ARL5A: variants seen among roughly 807,000 people sequenced by gnomAD.
The protein encoded by ARL5A is ARF like GTPase 5A.
Under a neutral mutation model 25.9 loss-of-function variants are expected in ARL5A, and 18 were observed. The ratio of observed to expected loss-of-function variants is 0.69; its 90% CI spans 0.48 to 1.03. ARL5A has a LOEUF of 1.03. Ranked by LOEUF, ARL5A falls within the 50% of genes least tolerant of loss-of-function variation. ARL5A has a pLI of 0.00. For missense variants in ARL5A, 170 were observed against 211.9 expected, an observed-to-expected ratio of 0.80 and a Z score of 1.23; for synonymous variants, 61 against 67.5, an observed-to-expected ratio of 0.90 and a Z score of 0.47.
chr2:151,820,318 G>A (rs1384581916), intron 1 of ARL5A, among the ~76,000 whole-genome samples: 2 of 152,222 alleles, frequency 1.3e-5, no homozygotes, highest in South Asian at 4.2e-4. Flanking sequence ...TAGAAATAAA[G>A]AAGGCACACT....
At chr2:151,812,215 G>T in intron 4 of ARL5A, 142 bp downstream of exon 4, 1 of 496,456 alleles carries the variant, frequency 2.0e-6, no homozygotes, top group Non-Finnish European at 3.5e-6. Flanking sequence ...GGAGATGTCA[G>T]AGTAATTGAG....
chr2:151,819,712 A>C (rs1162843090), intron 1 of ARL5A, among the ~76,000 whole-genome samples: 1 of 151,942 alleles, frequency 6.6e-6, no homozygotes, highest in African/African-American at 2.4e-5. Context: ...GTGCTTTTCT[A>C]ACAGTTCTGT....
intron 1 of ARL5A, among the ~76,000 whole-genome samples, chr2:151,821,775 C>CTTT (rs760341359): frequency 6.2e-5 from 7 of 113,534 alleles, no homozygotes; most frequent in African/African-American, 1.7e-4. Context: ...GCCCGGCTTT[C>CTTT]TTTTTTTTTT....
intron 3 of ARL5A, among the ~76,000 whole-genome samples, chr2:151,812,722 T>C (rs2099830997): frequency 6.6e-6 from 1 of 152,152 alleles, no homozygotes; most frequent in Non-Finnish European, 1.5e-5. Context: ...CTAATGGACC[T>C]ATATCTATCT....
rs1373827104 is a variant in ARL5A at position 151,814,244 on chromosome 2, T to C, written c.180A>G (p.Thr60=). Residue 60 remains threonine, a synonymous_variant, in exon 3 of 6, where the codon ACA becomes ACG. Transcript: ENST00000295087. ...SNVEEIVINN[T]RFLMWDIGGQ... is the part of the protein sequence containing the mutation. The stretch of plus-strand genomic sequence containing the variant: ...CACCAATATCCCACATTAGGAAACG[T>C]GTATTATTAATCACTATCTCTTCTA... The C allele has an allele frequency of 6.8e-6, 11 of 1,607,174 alleles. No individual in the cohort carries two copies. The highest frequency in any genetic ancestry group is 9.3e-6 in the Non-Finnish European group (11 of 1,177,156).
rs2099830180 is a variant in ARL5A, at chr2:151,806,984, A to C, written c.340-12T>G. On this transcript the variant is annotated splice_polypyrimidine_tract_variant and intron_variant, in intron 4 of 5. Transcript: ENST00000295087. ...GCTTTTCTTAGGTCCTATTAAAGCA[A>C]ATAAAACTGTAAAGGCCAATACATT... 6.3e-7 allele frequency: 1 copy of C among 1,596,928 alleles called. No individual in the cohort carries two copies. The highest frequency in any genetic ancestry group is 1.4e-5 in the African/African-American group (1 of 73,796).
chr2:151,828,390 T>C lies in ARL5A; in HGVS notation c.-214A>G. 1 of 410,870 alleles carries C rather than the reference T, an allele frequency of 2.4e-6. No homozygotes were observed. The highest frequency in any genetic ancestry group is 6.2e-5 in the South Asian group (1 of 16,200). 25.5% of individuals were successfully genotyped at this position (410,870 alleles called of 1,614,324 possible). On this transcript the variant is annotated 5_prime_UTR_variant, in exon 1 of 6. Transcript: ENST00000295087. Reference sequence around the variant, plus strand: ...CGCCGCTGCCGCCGCGGCACTCGCCTGGCTCGCGGACATCGCCGCCGCGTT... The same window carrying C: ...CGCCGCTGCCGCCGCGGCACTCGCCCGGCTCGCGGACATCGCCGCCGCGTT...
At chr2:151,814,538 A>C (rs1265569122) in intron 2 of ARL5A, among the ~76,000 whole-genome samples, 1 of 151,922 alleles carries the variant, frequency 6.6e-6, no homozygotes, top group African/African-American at 2.4e-5. Context: ...TATAGTTTCT[A>C]CTTTATAGTT....
intron 4 of ARL5A, among the ~76,000 whole-genome samples, chr2:151,810,032 G>A (rs567609780): frequency 9.9e-5 from 15 of 152,108 alleles, no homozygotes; most frequent in East Asian, 7.8e-4. Flanking sequence ...GCAGTGAGCC[G>A]ATACGGTGCC....
chr2:151,822,303 G>A (rs567360539), intron 1 of ARL5A, among the ~76,000 whole-genome samples: 11 of 152,316 alleles, frequency 7.2e-5, no homozygotes, highest in South Asian at 2.1e-4. Flanking sequence ...GAGCCACTGC[G>A]TCCCGGCCAC....
chr2:151,819,700 TG>T (rs1055472511), intron 1 of ARL5A, among the ~76,000 whole-genome samples: 11 of 151,442 alleles, frequency 7.3e-5, no homozygotes, highest in African/African-American at 2.4e-4. Context: ...ATTCCAAACC[TG>T]GTGCTTTTCT....
At chr2:151,803,959 TA>T (rs1316036357) in intron 5 of ARL5A, among the ~76,000 whole-genome samples, 2 of 152,000 alleles carry the variant, frequency 1.3e-5, no homozygotes, top group Non-Finnish European at 2.9e-5. Flanking sequence ...TGTCTAAAAA[TA>T]CAGAAAAAAA....
chr2:151,828,195 C>CT lies in ARL5A; in HGVS notation c.-20_-19insA, dbSNP rs766821652. 23 of 1,605,324 alleles carry CT rather than the reference C, an allele frequency of 1.4e-5. No individual in the cohort carries two copies. The highest frequency in any genetic ancestry group is 9.1e-5 in the East Asian group (4 of 43,740). On this transcript the variant is annotated 5_prime_UTR_variant, in exon 1 of 6. Coordinates refer to ENST00000295087, the MANE Select transcript of ARL5A (RefSeq NM_012097.4). Reference sequence around the variant, plus strand: ...TTCCCATTCTCGGGCAGCGGACCCCCCCCCTCCAGACACCCGGGCCGCCTG... The same window carrying CT: ...TTCCCATTCTCGGGCAGCGGACCCCCTCCCCTCCAGACACCCGGGCCGCCTG...
chr2:151,827,374 T>G (rs151295757), intron 1 of ARL5A: 182 of 152,346 alleles, frequency 1.2e-3, no homozygotes, highest in African/African-American at 4.4e-3. Context: ...AACTTGCTAG[T>G]TACCTATGGT....
intron 5 of ARL5A, among the ~76,000 whole-genome samples, chr2:151,805,920 C>T (rs1364965600): frequency 6.6e-6 from 1 of 152,002 alleles, no homozygotes; most frequent in Non-Finnish European, 1.5e-5. Context: ...GCTTTTTATC[C>T]TATTTCCAAC....
intron 1 of ARL5A, among the ~76,000 whole-genome samples, chr2:151,819,016 T>C (rs967869562): frequency 6.6e-6 from 1 of 152,058 alleles, no homozygotes; most frequent in Admixed American, 6.5e-5. Context: ...ACAATTACTC[T>C]GACCAATGAA....
intron 1 of ARL5A, among the ~76,000 whole-genome samples, chr2:151,824,478 C>CTAATAATAATAATAA (rs61097162): frequency 0.018 from 2,682 of 150,394 alleles, 22 homozygotes; most frequent in African/African-American, 0.024. Context: ...TTTAAACTCC[C>CTAATAATAATAATAA]TAATAATAAT....
intron 4 of ARL5A, among the ~76,000 whole-genome samples, chr2:151,807,305 TTA>T (rs1433993081): frequency 6.6e-6 from 1 of 152,148 alleles, no homozygotes; most frequent in Non-Finnish European, 1.5e-5. Flanking sequence ...CTCCAAAATT[TTA>T]TCTTGCCTAT....
chr2:151,808,390 G>T (rs1054548777), intron 4 of ARL5A, among the ~76,000 whole-genome samples: 2 of 152,126 alleles, frequency 1.3e-5, no homozygotes, highest in African/African-American at 4.8e-5. Flanking sequence ...CAGTTTTGAT[G>T]ATTCTTTCTG....
Sources: gnomAD v4.1 joint callset for allele counts (sites outside exome capture counted in the v4.1 genomes callset) on GRCh38, gnomAD v4.1.1 for gene constraint, MANE v1.5 for transcripts, NCBI Gene and HGNC (gene_info 2026-07-23, HGNC 2026-07-21) for gene names.